The following KLRD1 variants were observed in gnomAD, a reference collection of about 807,000 sequenced individuals.
The protein encoded by KLRD1 is killer cell lectin like receptor D1, also known as natural killer cells antigen CD94.
Under a neutral mutation model 22.6 loss-of-function variants are expected in KLRD1, and 21 were observed. That is an observed-to-expected ratio of 0.93 (90% CI 0.66 to 1.34). The LOEUF (loss-of-function observed/expected upper bound fraction) is 1.34, where lower values mean the gene tolerates loss of function less well. Ranked by LOEUF, KLRD1 falls within the 40% of genes most tolerant of loss-of-function variation. The pLI, the probability that KLRD1 is intolerant of heterozygous loss-of-function variation, is 0.00. For missense variants in KLRD1, 183 were observed against 208.6 expected, an observed-to-expected ratio of 0.88 and a Z score of 0.76; for synonymous variants, 59 against 71.1, an observed-to-expected ratio of 0.83 and a Z score of 0.85.
chr12:10,304,492 CTCA>C (rs1183371503), upstream of KLRD1: 1 of 152,134 alleles, frequency 6.6e-6, no homozygotes, highest in Non-Finnish European at 1.5e-5. Context: ...GCGATCTCAG[CTCA>C]TCAAGTTCAA....
chr12:10,309,199 G>C, intron 1 of KLRD1, 189 bp from the exon 2 acceptor site: 1 of 499,992 alleles, frequency 2.0e-6, no homozygotes, highest in South Asian at 3.6e-5. Context: ...TGAAGAATAA[G>C]ATACATCACA....
At position 10,321,237 on chromosome 12, in the gene KLRD1, C is replaced by A. The variant is rs541432383; in HGVS notation, c.*6444C>A. The A allele has an allele frequency of 2.6e-5, 4 of 152,076 alleles. No individual in the cohort carries two copies. The highest frequency in any genetic ancestry group is 5.9e-5 in the Non-Finnish European group (4 of 68,020). The allele number at this position is 152,076 out of a possible 1,614,324, so 9.4% of individuals were successfully genotyped here. A position where few individuals can be genotyped will look rare whatever the true frequency, so the allele number is the denominator to read the frequency against. On this transcript the variant is annotated 3_prime_UTR_variant, in exon 6 of 6. Transcript: ENST00000336164. ...CAAGGATGTCTATAGTTTGTTCTTTCGAATGTTGAGTGTATAAGGGAAGGA... is the reference window on the plus strand; with the variant it reads ...CAAGGATGTCTATAGTTTGTTCTTTAGAATGTTGAGTGTATAAGGGAAGGA...
At chr12:10,279,562 A>G (rs1949622122) in intron 1 of KLRD1, among the ~76,000 whole-genome samples, 1 of 152,150 alleles carries the variant, frequency 6.6e-6, no homozygotes, top group Non-Finnish European at 1.5e-5. Context: ...GGTTTTCTTT[A>G]TATGCATGCA....
rs1950298601 is a variant in KLRD1, at chr12:10,320,156, C to T, written c.*5363C>T. On this transcript the variant is annotated 3_prime_UTR_variant, in exon 6 of 6. Coordinates refer to ENST00000336164, the MANE Select transcript of KLRD1 (RefSeq NM_002262.5). ...GTGCTGGGATTACAGGCGTGAGCCA[C>T]TGCGCCCAGACATAACTTTTATTCT... 6.6e-6 allele frequency: 1 copy of T among 151,914 alleles called. No individual in the cohort carries two copies. Among genetic ancestry groups the T allele is most frequent in the Non-Finnish European group, 1.5e-5 (1 of 68,006 alleles). The allele number at this position is 151,914 out of a possible 1,614,324, so 9.4% of individuals were successfully genotyped here. A position where few individuals can be genotyped will look rare whatever the true frequency, so the allele number is the denominator to read the frequency against.
At chr12:10,307,829 T>G (rs866754221), upstream of KLRD1, 3 of 439,402 alleles carry the variant, frequency 6.8e-6, no homozygotes, top group African/African-American at 4.0e-5. Flanking sequence ...TGTATTGTGG[T>G]TCCTGGAACA....
At chr12:10,259,901 G>T (rs1347639473) in intron 1 of KLRD1, among the ~76,000 whole-genome samples, 1 of 152,216 alleles carries the variant, frequency 6.6e-6, no homozygotes, top group Non-Finnish European at 1.5e-5. Context: ...AGGAGGTGGA[G>T]GTTGCAGTGA....
At chr12:10,281,458 C>G (rs1407055710) in intron 1 of KLRD1, among the ~76,000 whole-genome samples, 1 of 152,104 alleles carries the variant, frequency 6.6e-6, no homozygotes, top group Admixed American at 6.6e-5. Flanking sequence ...ATATAGCGCT[C>G]TAACAGAAAA....
At chr12:10,287,060 C>T (rs1000352103) in intron 1 of KLRD1, among the ~76,000 whole-genome samples, 7 of 151,978 alleles carry the variant, frequency 4.6e-5, no homozygotes, top group South Asian at 2.1e-4. Flanking sequence ...CGCTTGAACC[C>T]GGGAGGCAGA....
At chr12:10,311,648 T>G (rs1367224918) in intron 4 of KLRD1, 33 bp downstream of exon 4, 14 of 1,604,404 alleles carry the variant, frequency 8.7e-6, no homozygotes, top group Non-Finnish European at 1.2e-5. Context: ...TACATTTTCT[T>G]TGATCTAGAA....
At chr12:10,250,151 A>G (rs1254767036) in intron 1 of KLRD1, among the ~76,000 whole-genome samples, 5 of 130,128 alleles carry the variant, frequency 3.8e-5, no homozygotes, top group African/African-American at 1.5e-4. Flanking sequence ...CCCCTCAACC[A>G]CTCTCTCTCT....
rs1001606856 is a variant in KLRD1, at chr12:10,324,930, T to C, written c.*10137T>C. On this transcript the variant is annotated 3_prime_UTR_variant, in exon 6 of 6. Coordinates refer to ENST00000336164, the MANE Select transcript of KLRD1 (RefSeq NM_002262.5). Reference sequence around the variant, plus strand: ...CCTAGCAGCATTTCTGTAGATTTCATTGGGTTATCTGCATAGATGAATAAA... The same window carrying C: ...CCTAGCAGCATTTCTGTAGATTTCACTGGGTTATCTGCATAGATGAATAAA... The C allele has an allele frequency of 6.7e-6, 1 of 150,146 alleles. No individual in the cohort carries two copies. Among genetic ancestry groups the C allele is most frequent in the Non-Finnish European group, 1.5e-5 (1 of 67,538 alleles). 9.3% of individuals were successfully genotyped at this position (150,146 alleles called of 1,614,324 possible). A position where few individuals can be genotyped will look rare whatever the true frequency, so the allele number is the denominator to read the frequency against.
At chr12:10,269,500 G>A (rs1008259931) in intron 1 of KLRD1, among the ~76,000 whole-genome samples, 10 of 152,132 alleles carry the variant, frequency 6.6e-5, no homozygotes, top group African/African-American at 2.2e-4. Context: ...TTGGAGGCAC[G>A]TCTTTGATTA....
In KLRD1 at chr12:10,270,479, A is replaced by G. The variant is rs189524173; in HGVS notation, c.-100-37499A>G. On this transcript the variant is annotated intron_variant, in intron 1 of 5. Coordinates refer to the KLRD1 transcript ENST00000544747. The stretch of plus-strand genomic sequence containing the variant: ...AGAGAGAAGTTGGCTAATGTCATCA[A>G]TGGAAACCAGATTCAGGAGTTGATA... Among the ~76,000 whole-genome samples, 16 of 152,280 alleles carry G rather than the reference A, an allele frequency of 1.1e-4. No homozygotes were observed. In the East Asian group the frequency reaches 2.1e-3, roughly 20 times the overall value.
chr12:10,239,464 TCCTTCCTTCCTTCCTTCCTTCTTC>T (rs1409434607), intron 1 of KLRD1, among the ~76,000 whole-genome samples: 2 of 44,888 alleles, frequency 4.5e-5, no homozygotes, highest in African/African-American at 1.6e-4. Context: ...CTTCCTTCCT[TCCTTCCTTCCTTCCTTCCTTCTTC>T]CTTCCTTCCT....
chr12:10,262,562 C>T (rs529740071), intron 1 of KLRD1, among the ~76,000 whole-genome samples: 1 of 152,152 alleles, frequency 6.6e-6, no homozygotes, highest in East Asian at 1.9e-4. Context: ...TTACAAAATA[C>T]ATCTAGATTT....
chr12:10,298,256 A>C (rs1285774536), intron 1 of KLRD1, among the ~76,000 whole-genome samples: 1 of 152,246 alleles, frequency 6.6e-6, no homozygotes, highest in African/African-American at 2.4e-5. Context: ...AATAATTAGG[A>C]AAATGAACTT....
chr12:10,307,579 A>G (rs186065365), upstream of KLRD1, among the ~76,000 whole-genome samples: 61 of 152,334 alleles, frequency 4.0e-4, no homozygotes, highest in African/African-American at 1.4e-3. Flanking sequence ...TGTTAAGTAC[A>G]AGGTAAATAA....
chr12:10,290,452 G>C (rs1214817547), intron 1 of KLRD1, among the ~76,000 whole-genome samples: 1 of 152,164 alleles, frequency 6.6e-6, no homozygotes, highest in African/African-American at 2.4e-5. Flanking sequence ...AGAATAATCA[G>C]AGGTAGAAAG....
chr12:10,301,333 A>C (rs1949864442), upstream of KLRD1, among the ~76,000 whole-genome samples: 1 of 152,172 alleles, frequency 6.6e-6, no homozygotes, highest in African/African-American at 2.4e-5. Context: ...TCTGCATACC[A>C]ACAAAACCAC....
Sources: gnomAD v4.1 joint callset for allele counts (sites outside exome capture counted in the v4.1 genomes callset) on GRCh38, gnomAD v4.1.1 for gene constraint, MANE v1.5 for transcripts, NCBI Gene and HGNC (gene_info 2026-07-23, HGNC 2026-07-21) for gene names.